The following MBD5 variants were observed in gnomAD, a reference collection of about 807,000 sequenced individuals.
The protein encoded by MBD5 is methyl-CpG-binding domain protein 5.
A neutral mutation model predicts 117.3 loss-of-function variants in MBD5; 13 were observed. The ratio of observed to expected loss-of-function variants is 0.11; its 90% CI spans 0.07 to 0.18. The LOEUF (loss-of-function observed/expected upper bound fraction) is 0.18. Ranked by LOEUF, MBD5 falls within the 10% of genes least tolerant of loss-of-function variation. The pLI is 1.00. For synonymous variants in MBD5, 727 were observed against 766.4 expected, an observed-to-expected ratio of 0.95 and a Z score of 0.85; for missense variants, 1,879 against 2,093.8, an observed-to-expected ratio of 0.90 and a Z score of 2.00.
At chr2:148,157,571 A>G (rs1697905448) in intron 1 of MBD5, among the ~76,000 whole-genome samples, 1 of 152,154 alleles carries the variant, frequency 6.6e-6, no homozygotes. Context: ...CATAAAAACT[A>G]CTACAAATGC....
chr2:148,458,810 G>A lies in MBD5; in HGVS notation c.52G>A (p.Ala18Thr). ...AGGGGACAAGGAAGGAGGTCTTCCAGCTATACAAGTTCCTGTGGGTTGGCA... is the reference window on the plus strand; with the variant it reads ...AGGGGACAAGGAAGGAGGTCTTCCAACTATACAAGTTCCTGTGGGTTGGCA... ...DGGDKEGGLP[A>T]IQVPVGWQRR... The change falls in exon 5 of 14, where the codon GCT becomes ACT. Residue 18 changes from alanine to threonine, a missense_variant. Coordinates refer to ENST00000642680, the MANE Select transcript of MBD5 (RefSeq NM_001378120.1). 3.7e-6 allele frequency: 6 copies of A among 1,613,750 alleles called. No individual in the cohort carries two copies. Among genetic ancestry groups the A allele is most frequent in the Non-Finnish European group, 5.1e-6 (6 of 1,179,750 alleles).
rs1174187991 is a variant in MBD5 at position 148,165,897 on chromosome 2, G to C, written c.-924-12803G>C. Among the ~76,000 whole-genome samples, 7 of 152,048 alleles carry C rather than the reference G, an allele frequency of 4.6e-5. No individual in the cohort carries two copies. The South Asian group carries it at 1.2e-3, about 27-fold the overall frequency. On this transcript the variant is annotated intron_variant, in intron 1 of 13. Coordinates refer to ENST00000642680, the MANE Select transcript of MBD5 (RefSeq NM_001378120.1). The stretch of plus-strand genomic sequence containing the variant: ...GGAGCAAATTGTCTGATAATATTTT[G>C]GTTTAAACATTTGAATAGTTATTTT...
At chr2:148,122,565 TAG>T (rs1696794950) in intron 1 of MBD5, among the ~76,000 whole-genome samples, 1 of 152,210 alleles carries the variant, frequency 6.6e-6, no homozygotes. Context: ...TTTGAAGAGG[TAG>T]AGTTACTTAG....
chr2:148,342,958 T>A (rs1702987858), intron 4 of MBD5, among the ~76,000 whole-genome samples: 1 of 151,994 alleles, frequency 6.6e-6, no homozygotes, highest in African/African-American at 2.4e-5. Context: ...CCCTGTTGTC[T>A]ATTGTTGCTA....
intron 4 of MBD5, among the ~76,000 whole-genome samples, chr2:148,381,897 C>G (rs559116711): frequency 6.6e-6 from 1 of 152,068 alleles, no homozygotes; most frequent in Non-Finnish European, 1.5e-5. Context: ...CCTTTACAGA[C>G]AAGCAAATGC....
chr2:148,122,983 G>C (rs1296691097), intron 1 of MBD5, among the ~76,000 whole-genome samples: 2 of 152,170 alleles, frequency 1.3e-5, no homozygotes, highest in Non-Finnish European at 2.9e-5. Flanking sequence ...GATGACTAAG[G>C]ATAGACAGGC....
At chr2:148,307,896 G>A (rs1469088520) in intron 3 of MBD5, among the ~76,000 whole-genome samples, 1 of 151,232 alleles carries the variant, frequency 6.6e-6, no homozygotes, top group Non-Finnish European at 1.5e-5. Flanking sequence ...GTGGTGTTTG[G>A]TTTTCTGTTC....
intron 1 of MBD5, among the ~76,000 whole-genome samples, chr2:148,094,819 T>TA (rs1385071256): frequency 6.6e-6 from 1 of 152,124 alleles, no homozygotes; most frequent in Non-Finnish European, 1.5e-5. Flanking sequence ...CAGGTACATA[T>TA]AGCTATACAT....
At chr2:148,046,466 A>G (rs1218110078) in intron 1 of MBD5, among the ~76,000 whole-genome samples, 1 of 152,064 alleles carries the variant, frequency 6.6e-6, no homozygotes, top group African/African-American at 2.4e-5. Flanking sequence ...TATTTATGTA[A>G]TTACTCATTA....
chr2:148,081,128 T>A (rs1403062331), intron 1 of MBD5, among the ~76,000 whole-genome samples: 2 of 152,164 alleles, frequency 1.3e-5, no homozygotes, highest in East Asian at 1.9e-4. Flanking sequence ...AGTGTCAGGG[T>A]GCTAGGCAAT....
chr2:148,475,945 G>A (rs185914176), intron 8 of MBD5, among the ~76,000 whole-genome samples: 1 of 152,260 alleles, frequency 6.6e-6, no homozygotes, highest in Admixed American at 6.5e-5. Flanking sequence ...CAAGAGTAAA[G>A]TAAAAATTAT....
chr2:148,280,096 T>C (rs1317579186), intron 3 of MBD5, among the ~76,000 whole-genome samples: 3 of 131,426 alleles, frequency 2.3e-5, no homozygotes, highest in Non-Finnish European at 4.7e-5. Flanking sequence ...TTGGAAGCTA[T>C]AGATTTGTAT....
intron 3 of MBD5, among the ~76,000 whole-genome samples, chr2:148,335,107 G>A (rs146363158): frequency 1.3e-5 from 2 of 152,088 alleles, no homozygotes; most frequent in Admixed American, 1.3e-4. Context: ...CTAGGCAACT[G>A]ACCGGGTGCA....
chr2:148,085,138 C>T (rs1386063489), intron 1 of MBD5, among the ~76,000 whole-genome samples: 1 of 152,144 alleles, frequency 6.6e-6, no homozygotes, highest in Non-Finnish European at 1.5e-5. Flanking sequence ...AGGTGAACAA[C>T]ATTGCTCAGG....
intron 4 of MBD5, among the ~76,000 whole-genome samples, chr2:148,400,403 A>G (rs1704881739): frequency 6.6e-6 from 1 of 151,842 alleles, no homozygotes; most frequent in Non-Finnish European, 1.5e-5. Flanking sequence ...ATTTTCTCCA[A>G]CTCTAACTCT....
chr2:148,227,640 A>T (rs1020460121), intron 2 of MBD5, among the ~76,000 whole-genome samples: 2 of 152,150 alleles, frequency 1.3e-5, no homozygotes, highest in African/African-American at 4.8e-5. Context: ...GATTTTTCCA[A>T]TTCTGTGAAG....
rs1323911657 is a variant in MBD5 at position 148,458,280 on chromosome 2, TAAAGAG to T, written c.-474_-469del. ...AACACCTTGGATTCAGATTGGAAGA[TAAAGAG>T]AAAGTTTAAAGAATGTGGCCTATAA... On this transcript the variant is annotated 5_prime_UTR_variant, in exon 5 of 14. Coordinates refer to ENST00000642680, the MANE Select transcript of MBD5 (RefSeq NM_001378120.1). 5 of 405,480 alleles carry T rather than the reference TAAAGAG, an allele frequency of 1.2e-5. No homozygotes were observed. Among genetic ancestry groups the T allele is most frequent in the South Asian group, 1.2e-4 (1 of 8,664 alleles). The allele number at this position is 405,480 out of a possible 1,614,324, so 25.1% of individuals were successfully genotyped here.
At chr2:148,425,485 G>T (rs1199055575) in intron 4 of MBD5, among the ~76,000 whole-genome samples, 1 of 152,082 alleles carries the variant, frequency 6.6e-6, no homozygotes, top group East Asian at 1.9e-4. Context: ...CATTCTTTCT[G>T]AAACTATTCC....
At chr2:148,341,337 T>G (rs1407423484) in intron 3 of MBD5, among the ~76,000 whole-genome samples, 3 of 143,138 alleles carry the variant, frequency 2.1e-5, no homozygotes, top group African/African-American at 8.2e-5. Context: ...TTAATGTAAG[T>G]TTTTTTTTTT....
Sources: gnomAD v4.1 joint callset for allele counts (sites outside exome capture counted in the v4.1 genomes callset) on GRCh38, gnomAD v4.1.1 for gene constraint, MANE v1.5 for transcripts, NCBI Gene and HGNC (gene_info 2026-07-23, HGNC 2026-07-21) for gene names.